Variants in ARHGEF4 observed in about 807,000 individuals in gnomAD.
ARHGEF4 encodes the protein Rho guanine nucleotide exchange factor 4.
In ARHGEF4, 119 loss-of-function variants were observed where a neutral mutation model predicts 162.0. The observed-to-expected ratio is 0.73, with a 90% CI of 0.63 to 0.86. ARHGEF4 has a LOEUF of 0.86. Ranked by LOEUF, ARHGEF4 falls within the 40% of genes least tolerant of loss-of-function variation. The pLI, the probability that ARHGEF4 is intolerant of heterozygous loss-of-function variation, is 0.00. For synonymous variants in ARHGEF4, 1,014 were observed against 979.9 expected (o/e 1.03, Z -0.65); for missense variants, 2,488 against 2,456.0 (o/e 1.01, Z -0.28).
chr2:130,959,193 C>T (rs1037071217), intron 4 of ARHGEF4, among the ~76,000 whole-genome samples: 10 of 152,116 alleles, frequency 6.6e-5, no homozygotes, highest in African/African-American at 9.7e-5. Context: ...CTGCCTGCCT[C>T]GGCCTCCCAA....
Position 131,024,204 on chromosome 2 carries a change from T to G in ARHGEF4, c.3986-3741T>G, listed in dbSNP as rs188232601. Among the ~76,000 whole-genome samples the G allele has an allele frequency of 5.7e-3, 865 of 151,536 alleles. 7 individuals carry two copies. Among genetic ancestry groups the G allele is most frequent in the African/African-American group, 0.019 (793 of 40,788 alleles). On this transcript the variant is annotated intron_variant, in intron 4 of 13. Transcript: ENST00000409359. ...GGAGGGTGCACAGTGCCGTCTGTAC[T>G]ATAGTGGTATGCCCTGTGACTCTAC...
At chr2:130,966,335 C>T (rs1685000799) in intron 4 of ARHGEF4, among the ~76,000 whole-genome samples, 2 of 152,192 alleles carry the variant, frequency 1.3e-5, no homozygotes, top group Admixed American at 6.5e-5. Flanking sequence ...CGCCTCTCTT[C>T]TTCTACAACG....
At chr2:130,896,509 G>A (rs976291347) in intron 1 of ARHGEF4, among the ~76,000 whole-genome samples, 8 of 152,188 alleles carry the variant, frequency 5.3e-5, no homozygotes, top group Admixed American at 2.6e-4. Context: ...TGTTCCGGGC[G>A]CCTAGTTGAA....
At chr2:130,854,371 C>T (rs1272213287) in intron 1 of ARHGEF4, among the ~76,000 whole-genome samples, 1 of 152,132 alleles carries the variant, frequency 6.6e-6, no homozygotes, top group Non-Finnish European at 1.5e-5. Flanking sequence ...CCCACCTCTT[C>T]CTAGGAAGCG....
chr2:130,982,565 C>G (rs1404284495), intron 4 of ARHGEF4, among the ~76,000 whole-genome samples: 3 of 151,048 alleles, frequency 2.0e-5, no homozygotes, highest in Non-Finnish European at 3.0e-5. Flanking sequence ...TCGCCTCCTC[C>G]TCCTCCCCCT....
chr2:130,867,995 G>A (rs1334737411), intron 1 of ARHGEF4, among the ~76,000 whole-genome samples: 5 of 141,256 alleles, frequency 3.5e-5, no homozygotes, highest in Non-Finnish European at 6.0e-5. Context: ...GTGCCATCTC[G>A]GCTCACTGCA....
chr2:130,939,626 G>A (rs1683171726), intron 3 of ARHGEF4, among the ~76,000 whole-genome samples: 1 of 152,026 alleles, frequency 6.6e-6, no homozygotes, highest in African/African-American at 2.4e-5. Flanking sequence ...GTCTACAAAT[G>A]CTTTGCTGAG....
chr2:130,916,583 C>G lies in ARHGEF4; in HGVS notation c.2637C>G (p.Thr879=). 6.4e-7 allele frequency: 1 copy of G among 1,550,518 alleles called. No individual in the cohort carries two copies. Among genetic ancestry groups the G allele is most frequent in the Non-Finnish European group, 8.7e-7 (1 of 1,146,956 alleles). ...AGPAGAGHTG[T]SGDLGSRGPS... ...CGGCAGGAGCGGGGCACACGGGGACCTCAGGGGATCTTGGTAGCCGAGGGC... is the reference window on the plus strand; with the variant it reads ...CGGCAGGAGCGGGGCACACGGGGACGTCAGGGGATCTTGGTAGCCGAGGGC... Residue 879 remains threonine (T), a synonymous_variant, in exon 2 of 14, where the codon ACC becomes ACG. Transcript: ENST00000409359.
intron 1 of ARHGEF4, among the ~76,000 whole-genome samples, chr2:130,901,066 A>G (rs1574190735): frequency 6.6e-6 from 1 of 151,778 alleles, no homozygotes; most frequent in Non-Finnish European, 1.5e-5. Context: ...TGGGCTTCCC[A>G]CTCTGTCTCT....
intron 13 of ARHGEF4, 105 bp downstream of exon 13, chr2:131,045,551 AG>A (rs761128802): frequency 1.9e-6 from 3 of 1,610,212 alleles, no homozygotes; most frequent in East Asian, 4.5e-5. Context: ...ACCAGGCCTG[AG>A]GGGGGCCCAC....
At chr2:130,917,833 T>C (rs1681611383) in intron 2 of ARHGEF4, among the ~76,000 whole-genome samples, 1 of 149,128 alleles carries the variant, frequency 6.7e-6, no homozygotes, top group Non-Finnish European at 1.5e-5. Flanking sequence ...CTTTTTTTTT[T>C]TTTTTTTGAG....
chr2:130,979,752 A>C (rs1054426862), intron 4 of ARHGEF4, among the ~76,000 whole-genome samples: 3 of 150,282 alleles, frequency 2.0e-5, no homozygotes, highest in African/African-American at 7.5e-5. Flanking sequence ...AAAAAAAAAA[A>C]AAAACCTGAA....
chr2:130,871,767 T>A (rs1678502672), intron 1 of ARHGEF4, among the ~76,000 whole-genome samples: 1 of 152,112 alleles, frequency 6.6e-6, no homozygotes, highest in Non-Finnish European at 1.5e-5. Flanking sequence ...AGGTCCACTC[T>A]CCCCTACACT....
Position 130,917,274 on chromosome 2 carries a change from G to A in ARHGEF4, c.3328G>A (p.Gly1110Arg), listed in dbSNP as rs542709755. ...TCAGCGGATGGGTCTCCACTACCCCGGGAGGGGTAGCGCCATCTCCATGGT... is the reference window on the plus strand; with the variant it reads ...TCAGCGGATGGGTCTCCACTACCCCAGGAGGGGTAGCGCCATCTCCATGGT... Reference protein sequence around the residue: ...SAQRMGLHYPGRGSAISMVSL... With the variant: ...SAQRMGLHYPRRGSAISMVSL... Residue 1110 changes from glycine (G) to arginine (R), a missense_variant, in exon 2 of 14, where the codon GGG becomes AGG. Gly to Arg is a moderately radical substitution (Grantham distance 125). Around this residue, in one of 6 missense-constraint regions of ARHGEF4, gnomAD observed 1,642 missense variants for 1,481.5 expected, o/e 1.11. Coordinates refer to ENST00000409359, the MANE Select transcript of ARHGEF4 (RefSeq NM_001367493.1). 149 of 1,550,448 alleles carry A rather than the reference G, an allele frequency of 9.6e-5. No homozygotes were observed. The highest frequency in any genetic ancestry group is 1.2e-4 in the Non-Finnish European group (139 of 1,146,940).
chr2:130,970,520 C>T lies in ARHGEF4; in HGVS notation c.3985+23885C>T, dbSNP rs1685286442. On this transcript the variant is annotated intron_variant, in intron 4 of 13. Transcript: ENST00000409359. ...AGGAGAATCGCTTGAACCCGGGAGGCGGAGGTTGCAGTGAGCCAAGATCAC... is the reference window on the plus strand; with the variant it reads ...AGGAGAATCGCTTGAACCCGGGAGGTGGAGGTTGCAGTGAGCCAAGATCAC... Among the ~76,000 whole-genome samples, 3 of 146,848 alleles carry T rather than the reference C, an allele frequency of 2.0e-5. No individual in the cohort carries two copies. In the South Asian group the frequency reaches 6.4e-4, roughly 31 times the overall value.
chr2:131,018,728 C>A (rs529624886), intron 4 of ARHGEF4, among the ~76,000 whole-genome samples: 15 of 152,198 alleles, frequency 9.9e-5, no homozygotes, highest in African/African-American at 3.6e-4. Context: ...ATAGTTTTAA[C>A]TTTTATATTT....
At chr2:130,976,959 T>C (rs562536179) in intron 4 of ARHGEF4, among the ~76,000 whole-genome samples, 79 of 151,752 alleles carry the variant, frequency 5.2e-4, no homozygotes, top group Admixed American at 9.2e-4. Flanking sequence ...ATGTGTGGTG[T>C]GTTAGTGTGC....
intron 4 of ARHGEF4, among the ~76,000 whole-genome samples, chr2:131,019,881 G>A (rs982826840): frequency 7.2e-5 from 11 of 152,078 alleles, no homozygotes; most frequent in African/African-American, 1.7e-4. Flanking sequence ...TGATCCGCCC[G>A]CCTCGGCCTC....
rs1163234445 is a variant in ARHGEF4, at chr2:131,040,306, G to C, written c.4528G>C (p.Glu1510Gln). 6.2e-7 allele frequency: 1 copy of C among 1,612,938 alleles called. No homozygotes were observed. The highest frequency in any genetic ancestry group is 1.3e-5 in the African/African-American group (1 of 74,936). ...CRKRADMFSE[E>Q]QLRTIFGNIE... Reference sequence around the variant, plus strand: ...CAAGCGCGCAGACATGTTCAGCGAGGAGCAGCTGCGTACCATCTTCGGGAA... The same window carrying C: ...CAAGCGCGCAGACATGTTCAGCGAGCAGCAGCTGCGTACCATCTTCGGGAA... The change falls in exon 8 of 14, where the codon GAG becomes CAG. Residue 1510 changes from glutamate to glutamine, a missense_variant. Transcript: ENST00000409359.
Sources: allele counts gnomAD v4.1 joint callset (sites outside exome capture counted in the v4.1 genomes callset), GRCh38; gene constraint gnomAD v4.1.1; regional missense constraint gnomAD v4.1.1; transcripts MANE v1.5; gene names NCBI Gene and HGNC (gene_info 2026-07-23, HGNC 2026-07-21).